ANKRD13C: variants seen among roughly 807,000 people sequenced by gnomAD.
ANKRD13C encodes the protein ankyrin repeat domain 13C.
A neutral mutation model predicts 65.5 loss-of-function variants in ANKRD13C; 16 were observed. The observed-to-expected ratio is 0.24, with a 90% confidence interval of 0.17 to 0.37. The LOEUF (loss-of-function observed/expected upper bound fraction) is 0.37, where lower values mean the gene tolerates loss of function less well. Ranked by LOEUF, ANKRD13C falls within the 10% of genes least tolerant of loss-of-function variation. The probability of loss-of-function intolerance (pLI) is 1.00; values close to 1 mark genes in which losing one functional copy is unlikely to be tolerated. For missense variants in ANKRD13C, 503 were observed against 655.9 expected (o/e 0.77, Z 2.55); for synonymous variants, 235 against 238.7 (o/e 0.98, Z 0.14).
At chr1:70,277,466 A>AC (rs893686626) in intron 9 of ANKRD13C, among the ~76,000 whole-genome samples, 1 of 152,080 alleles carries the variant, frequency 6.6e-6, no homozygotes, top group African/African-American at 2.4e-5. Flanking sequence ...CAAAAAAAAA[A>AC]AAAACAAAAC....
intron 11 of ANKRD13C, among the ~76,000 whole-genome samples, chr1:70,271,949 T>C (rs1678900688): frequency 1.3e-5 from 2 of 152,182 alleles, no homozygotes; most frequent in South Asian, 4.1e-4. Context: ...TCACCAAGAG[T>C]TGTCAAAATT....
intron 1 of ANKRD13C, among the ~76,000 whole-genome samples, chr1:70,343,606 G>A (rs576522453): frequency 1.3e-5 from 2 of 152,298 alleles, no homozygotes; most frequent in East Asian, 3.9e-4. Flanking sequence ...GTGGAGTGCA[G>A]TGATGCCATC....
chr1:70,352,094 C>T (rs984824823), intron 1 of ANKRD13C, among the ~76,000 whole-genome samples: 1 of 151,964 alleles, frequency 6.6e-6, no homozygotes, highest in Non-Finnish European at 1.5e-5. Context: ...AATCCCAGCA[C>T]TCTGGGAGGC....
chr1:70,321,545 A>T (rs1681309190), intron 3 of ANKRD13C, among the ~76,000 whole-genome samples: 1 of 152,192 alleles, frequency 6.6e-6, no homozygotes, highest in Non-Finnish European at 1.5e-5. Flanking sequence ...ATAAGTCTGC[A>T]CAAACTGTGA....
Position 70,262,509 on chromosome 1 carries a change from T to C in ANKRD13C, c.*208A>G, listed in dbSNP as rs538884117. Reference sequence around the variant, plus strand: ...CAAACTATTACATTTATAATATGTATATTTTTAAAAAGACAAAAAATGGCA... The same window carrying C: ...CAAACTATTACATTTATAATATGTACATTTTTAAAAAGACAAAAAATGGCA... On this transcript the variant is annotated 3_prime_UTR_variant, in exon 13 of 13. Transcript: ENST00000370944. The C allele has an allele frequency of 3.9e-4, 145 of 371,876 alleles. 1 individual carries two copies. Among genetic ancestry groups the C allele is most frequent in the African/African-American group, 2.5e-3 (122 of 49,276 alleles). 23.0% of individuals were successfully genotyped at this position (371,876 alleles called of 1,614,324 possible).
intron 8 of ANKRD13C, among the ~76,000 whole-genome samples, chr1:70,294,110 C>T (rs370015088): frequency 5.3e-5 from 8 of 151,926 alleles, no homozygotes; most frequent in South Asian, 2.1e-4. Flanking sequence ...AAGATTTCTA[C>T]GACATACTAA....
At position 70,262,686 on chromosome 1, in the gene ANKRD13C, C is replaced by T. The variant is rs760579328; in HGVS notation, c.*31G>A. Reference sequence around the variant, plus strand: ...TTCTAGGGTCTCTGTATTTTCTTTCCTTGGTTAGACGGCATCCTTTTCCAC... The same window carrying T: ...TTCTAGGGTCTCTGTATTTTCTTTCTTTGGTTAGACGGCATCCTTTTCCAC... On this transcript the variant is annotated 3_prime_UTR_variant, in exon 13 of 13. Transcript: ENST00000370944. The T allele has an allele frequency of 3.1e-6, 5 of 1,594,820 alleles. No individual in the cohort carries two copies. The South Asian group carries it at 3.4e-5, about 11-fold the overall frequency.
chr1:70,352,871 G>C (rs1682807208), intron 1 of ANKRD13C, among the ~76,000 whole-genome samples: 1 of 152,124 alleles, frequency 6.6e-6, no homozygotes, highest in African/African-American at 2.4e-5. Flanking sequence ...TGTAAATTCT[G>C]AAAACAAATG....
Position 70,354,560 on chromosome 1 carries a change from C to G in ANKRD13C, c.-152G>C. The G allele has an allele frequency of 2.8e-6, 4 of 1,430,728 alleles. No individual in the cohort carries two copies. The highest frequency in any genetic ancestry group is 3.7e-6 in the Non-Finnish European group (4 of 1,095,798). The allele number at this position is 1,430,728 out of a possible 1,614,324, so 88.6% of individuals were successfully genotyped here. ...GCCCCCGAGCCTGGGACAAACGCAT[C>G]TCCCGGGGAAGAGCCGGCTCTCGCC... On this transcript the variant is annotated 5_prime_UTR_variant, in exon 1 of 13. Transcript: ENST00000370944.
intron 5 of ANKRD13C, among the ~76,000 whole-genome samples, chr1:70,312,919 A>AG (rs1227716436): frequency 6.6e-6 from 1 of 152,172 alleles, no homozygotes; most frequent in African/African-American, 2.4e-5. Flanking sequence ...AAAAAAATCT[A>AG]GGGCAAAATT....
At chr1:70,351,902 C>T (rs1349360101) in intron 1 of ANKRD13C, among the ~76,000 whole-genome samples, 1 of 152,102 alleles carries the variant, frequency 6.6e-6, no homozygotes, top group Non-Finnish European at 1.5e-5. Flanking sequence ...TCCTAGGACA[C>T]CTCACTGTAG....
intron 8 of ANKRD13C, among the ~76,000 whole-genome samples, chr1:70,294,115 T>C (rs150592655): frequency 6.6e-6 from 1 of 152,204 alleles, no homozygotes; most frequent in African/African-American, 2.4e-5. Flanking sequence ...TTCTACGACA[T>C]ACTAAAGAAT....
intron 12 of ANKRD13C, among the ~76,000 whole-genome samples, chr1:70,267,045 T>C (rs1678659140): frequency 6.6e-6 from 1 of 152,226 alleles, no homozygotes; most frequent in African/African-American, 2.4e-5. Context: ...CCAGTTATAA[T>C]TGTGGATCTA....
At chr1:70,326,663 T>C (rs767966646) in intron 2 of ANKRD13C, among the ~76,000 whole-genome samples, 2 of 152,188 alleles carry the variant, frequency 1.3e-5, no homozygotes, top group African/African-American at 2.4e-5. Flanking sequence ...GAATGTTTAA[T>C]GTTGTTTGTA....
rs1678413603 is a variant in ANKRD13C at position 70,262,168 on chromosome 1, T to C, written c.*549A>G. 6.6e-6 allele frequency: 1 copy of C among 152,608 alleles called. No individual in the cohort carries two copies. The allele number at this position is 152,608 out of a possible 1,614,324, so 9.5% of individuals were successfully genotyped here. A position where few individuals can be genotyped will look rare whatever the true frequency, so the allele number is the denominator to read the frequency against. On this transcript the variant is annotated 3_prime_UTR_variant, in exon 13 of 13. Transcript: ENST00000370944. ...TTCATCTACAGAAAATTGCATTCCTTCTAGTTCATTATATTGAACAAACAT... is the reference window on the plus strand; with the variant it reads ...TTCATCTACAGAAAATTGCATTCCTCCTAGTTCATTATATTGAACAAACAT...
At chr1:70,319,607 C>CAACAAAAAAAAAAAA (rs1681219161) in intron 3 of ANKRD13C, among the ~76,000 whole-genome samples, 1 of 121,174 alleles carries the variant, frequency 8.3e-6, no homozygotes, top group Non-Finnish European at 1.7e-5. Flanking sequence ...AACTCCATCT[C>CAACAAAAAAAAAAAA]AAAAAAAAAA....
intron 1 of ANKRD13C, among the ~76,000 whole-genome samples, chr1:70,349,430 T>C (rs928029698): frequency 2.6e-5 from 4 of 152,144 alleles, no homozygotes; most frequent in African/African-American, 9.7e-5. Flanking sequence ...TAGCTGTTAC[T>C]GTACTTAAAC....
chr1:70,274,792 A>G lies in ANKRD13C; in HGVS notation c.1322T>C (p.Val441Ala). 6.2e-7 allele frequency: 1 copy of G among 1,613,790 alleles called. No individual in the cohort carries two copies. Among genetic ancestry groups the G allele is most frequent in the Non-Finnish European group, 8.5e-7 (1 of 1,179,786 alleles). Residue 441 changes from valine to alanine, a missense_variant, in exon 11 of 13, where the codon GTG (valine) becomes GCG (alanine). Coordinates refer to ENST00000370944, the MANE Select transcript of ANKRD13C (RefSeq NM_030816.5). ...GKAPHLGREL[V>A]CKESKKTFKA... ...AAACGTTTTCTTACTCTCTTTGCAC[A>G]CCAATTCTCTACCCAGATGAGGAGC...
rs937700180 is a variant in ANKRD13C at position 70,315,439 on chromosome 1, A to C, written c.663+42T>G. The C allele has an allele frequency of 1.6e-5, 24 of 1,524,012 alleles. No homozygotes were observed. Among genetic ancestry groups the C allele is most frequent in the Non-Finnish European group, 1.8e-6 (2 of 1,117,424 alleles). The allele number at this position is 1,524,012 out of a possible 1,614,324, so 94.4% of individuals were successfully genotyped here. On this transcript the variant is annotated intron_variant, in intron 4 of 12. Coordinates refer to ENST00000370944, the MANE Select transcript of ANKRD13C (RefSeq NM_030816.5). ...AAAAATGCTTAAAACTACACTTATA[A>C]TTACTTCCAAGGTGCAAAATTAACA...
Sources: allele counts gnomAD v4.1 joint callset (sites outside exome capture counted in the v4.1 genomes callset), GRCh38; gene constraint gnomAD v4.1.1; transcripts MANE v1.5; gene names NCBI Gene and HGNC (gene_info 2026-07-23, HGNC 2026-07-21).